The following TNS2 variants were observed in gnomAD, a reference collection of about 807,000 sequenced individuals.
TNS2 encodes tensin 2.
A neutral mutation model predicts 155.7 loss-of-function variants in TNS2; 77 were observed. The ratio of observed to expected loss-of-function variants is 0.49; its 90% confidence interval spans 0.41 to 0.60. The LOEUF (loss-of-function observed/expected upper bound fraction) is 0.60, where lower values mean the gene tolerates loss of function less well. TNS2 is among the 20% of genes least tolerant of loss of function. TNS2 has a pLI of 0.00. For missense variants in TNS2, 1,703 were observed against 1,868.8 expected (o/e 0.91, Z 1.64); for synonymous variants, 726 against 763.9 (o/e 0.95, Z 0.82).
At chr12:53,058,519 G>C (rs766089813) in intron 15 of TNS2, 53 bp from the exon 16 acceptor site, 35 of 1,613,132 alleles carry the variant, frequency 2.2e-5, no homozygotes, top group Non-Finnish European at 3.0e-5. Flanking sequence ...CAGGCAGGCA[G>C]GAGAGTGTGG....
At chr12:53,051,828 C>T (rs747952035) in intron 1 of TNS2, 27 bp from the exon 2 acceptor site, 2 of 1,588,366 alleles carry the variant, frequency 1.3e-6, no homozygotes, top group Non-Finnish European at 1.7e-6. Context: ...TGGGAACTCA[C>T]ACCTCTGTTT....
At position 53,054,445 on chromosome 12, in the gene TNS2, A is replaced by G. The variant is rs1944061094; in HGVS notation, c.522+4A>G. ...CAAGCACCGGGACAAGTACCTGGTG[A>G]GGGGCGGGGCCATCAGGAGTCCGCC... On this transcript the variant is annotated splice_donor_region_variant and intron_variant, in intron 7 of 28. Coordinates refer to ENST00000314250, the MANE Select transcript of TNS2 (RefSeq NM_170754.4). The G allele has an allele frequency of 6.3e-7, 1 of 1,595,790 alleles. No homozygotes were observed. The highest frequency in any genetic ancestry group is 2.2e-5 in the East Asian group (1 of 44,628).
chr12:53,060,008 C>G lies in TNS2; in HGVS notation c.2367C>G (p.Tyr789Ter). 1 of 1,613,524 alleles carries G rather than the reference C, an allele frequency of 6.2e-7. No homozygotes were observed. Among genetic ancestry groups the G allele is most frequent in the Non-Finnish European group, 8.5e-7 (1 of 1,179,968 alleles). ...GHPGYPALVTYSYGGAVPSYC... is the reference protein window; with the variant it reads ...GHPGYPALVT The stretch of plus-strand genomic sequence containing the variant: ...CAGGGTACCCTGCCCTGGTGACATA[C>G]AGCTATGGAGGAGCAGTTCCCAGTT... The change falls in exon 18 of 29, where the codon TAC becomes TAG. Residue 789 changes from tyrosine to a stop codon, truncating the protein, a stop_gained. Coordinates refer to ENST00000314250, the MANE Select transcript of TNS2 (RefSeq NM_170754.4). LOFTEE classifies it high-confidence loss of function. The surrounding 1 kb of genome is among the most constrained non-coding windows in gnomAD (Gnocchi z 6.1).
In TNS2 at chr12:53,059,744, A is replaced by T. The variant is rs1269015091; in HGVS notation, c.2103A>T (p.Thr701=). 1.2e-6 allele frequency: 2 copies of T among 1,612,994 alleles called. No individual in the cohort carries two copies. Among genetic ancestry groups the T allele is most frequent in the Non-Finnish European group, 1.7e-6 (2 of 1,179,836 alleles). The change falls in exon 18 of 29, where the codon ACA becomes ACT. Residue 701 remains threonine (T), a synonymous_variant. Transcript: ENST00000314250. This position sits in a 1 kb window ranked among gnomAD's most constrained non-coding sequence, Gnocchi z 4.7. The part of the protein sequence containing the change: ...PACEEKLALP[T]AALYGLRLER... ...GCGAGGAGAAGCTGGCGCTGCCTAC[A>T]GCAGCCTTGTATGGACTGCGGCTGG...
chr12:53,049,073 C>G (rs1943826654), upstream of TNS2: 1 of 1,157,472 alleles, frequency 8.6e-7, no homozygotes, highest in African/African-American at 1.6e-5. Context: ...TTTCAAGGCC[C>G]CATCCACCTC....
chr12:53,054,819 G>A (rs114812171), intron 7 of TNS2, among the ~76,000 whole-genome samples: 280 of 149,362 alleles, frequency 1.9e-3, no homozygotes, highest in African/African-American at 6.6e-3. Flanking sequence ...TTACAGGCGT[G>A]CGTCACTCAC....
chr12:53,052,093 G>T, intron 2 of TNS2, 130 bp downstream of exon 2: 1 of 784,564 alleles, frequency 1.3e-6, no homozygotes, highest in South Asian at 1.8e-5. Flanking sequence ...TGGCAGCTAA[G>T]AAGCAGCTGC....
chr12:53,049,283 G>A, upstream of TNS2: 1 of 1,577,202 alleles, frequency 6.3e-7, no homozygotes, highest in South Asian at 1.1e-5. Flanking sequence ...CGCGGGGGGA[G>A]GGTGCAGCCC....
At chr12:53,052,544 C>T (rs749393779) in intron 3 of TNS2, 52 bp downstream of exon 3, 3 of 1,610,654 alleles carry the variant, frequency 1.9e-6, no homozygotes, top group South Asian at 1.1e-5. Context: ...GTCCCTTCCT[C>T]CTCCCAAACA....
rs558319309 is a variant in TNS2 at position 53,054,527 on chromosome 12, A to G, written c.522+86A>G. 5.8e-5 allele frequency: 56 copies of G among 964,952 alleles called. No homozygotes were observed. In the African/African-American group the frequency reaches 1.0e-3, roughly 18 times the overall value. The allele number at this position is 964,952 out of a possible 1,614,324, so 59.8% of individuals were successfully genotyped here. On this transcript the variant is annotated intron_variant, in intron 7 of 28. Transcript: ENST00000314250. ...GGCTAATCACTGACGTCACCAGCGG[A>G]GGCGAGGCCGCCAGGGGGCGGGACC...
Position 53,058,105 on chromosome 12 carries a change from G to T in TNS2, c.1095+3G>T. The T allele has an allele frequency of 6.2e-7, 1 of 1,614,180 alleles. No homozygotes were observed. The highest frequency in any genetic ancestry group is 8.5e-7 in the Non-Finnish European group (1 of 1,180,020). On this transcript the variant is annotated splice_donor_region_variant and intron_variant, in intron 14 of 28. Transcript: ENST00000314250. ...TCCTCCTCAAAGGCGATGTCATGGT[G>T]AGGGGGGTCCTGTCAACAAGAAGAA... is the stretch of plus-strand genomic sequence containing the variant.
Position 53,051,905 on chromosome 12 carries a change from A to T in TNS2, c.126A>T (p.Lys42Asn), listed in dbSNP as rs751421693. Reference sequence around the variant, plus strand: ...TCCGGGAGAAGGTTTTCCGGAAGAAACCTCCAGTCTGTGCAGTATGTAAGG... The same window carrying T: ...TCCGGGAGAAGGTTTTCCGGAAGAATCCTCCAGTCTGTGCAGTATGTAAGG... ...HSFREKVFRK[K>N]PPVCAVCKVT... The change falls in exon 2 of 29, where the codon AAA becomes AAT. Residue 42 changes from lysine (K) to asparagine (N), a missense_variant. Transcript: ENST00000314250. The T allele has an allele frequency of 6.2e-7, 1 of 1,613,446 alleles. No homozygotes were observed. The highest frequency in any genetic ancestry group is 1.7e-5 in the Admixed American group (1 of 59,952).
At chr12:53,055,463 C>A in intron 8 of TNS2, 105 bp from the exon 9 acceptor site, 1 of 1,407,092 alleles carries the variant, frequency 7.1e-7, no homozygotes, top group Non-Finnish European at 9.6e-7. Flanking sequence ...ACCAGCAGAC[C>A]CCCAGCCTTG....
At position 53,063,131 on chromosome 12, in the gene TNS2, T is replaced by C. The variant is rs1481827978; in HGVS notation, c.3866T>C (p.Leu1289Pro). 4 of 1,594,268 alleles carry C rather than the reference T, an allele frequency of 2.5e-6. No homozygotes were observed. The East Asian group carries it at 8.9e-5, about 36-fold the overall frequency. The change falls in exon 26 of 29, where the codon CTG (leucine) becomes CCG (proline). Residue 1289 changes from leucine (L) to proline (P), a missense_variant. Leu to Pro is a moderately conservative substitution (Grantham distance 98). Coordinates refer to ENST00000314250, the MANE Select transcript of TNS2 (RefSeq NM_170754.4). The surrounding 1 kb of genome is among the most constrained non-coding windows in gnomAD (Gnocchi z 5.6). ...LYLTSVETES[L>P]TGPQAVARAS... ...TTGACCTCAGTGGAGACAGAGTCAC[T>C]GACGGGCCCCCAAGCTGTGGCCCGG...
chr12:53,060,497 G>A lies in TNS2; in HGVS notation c.2710G>A (p.Glu904Lys). Residue 904 changes from glutamate (E) to lysine (K), a missense_variant, in exon 19 of 29, where the codon GAG becomes AAG. Transcript: ENST00000314250. This position sits in a 1 kb window ranked among gnomAD's most constrained non-coding sequence, Gnocchi z 6.1. ...PRDAPCSASS[E>K]LSGPSTPLHT... ...AGATGCCCCATGCAGTGCTTCGTCA[G>A]AGTTGTCTGGTCCCTCCACGCCCCT... is the stretch of plus-strand genomic sequence containing the variant. 1 of 1,613,878 alleles carries A rather than the reference G, an allele frequency of 6.2e-7. No homozygotes were observed. The highest frequency in any genetic ancestry group is 8.5e-7 in the Non-Finnish European group (1 of 1,179,990).
At chr12:53,052,273 A>AC (rs1351949801) in intron 2 of TNS2, 182 bp from the exon 3 acceptor site, 1 of 741,936 alleles carries the variant, frequency 1.3e-6, no homozygotes, top group East Asian at 2.5e-5. Flanking sequence ...GGGCAGTAGT[A>AC]CCCCACTGCC....
At position 53,060,105 on chromosome 12, in the gene TNS2, G is replaced by C. The variant is rs753289141; in HGVS notation, c.2464G>C (p.Gly822Arg). Residue 822 changes from glycine to arginine, a missense_variant, in exon 18 of 29, where the codon GGT (glycine) becomes CGT (arginine). Transcript: ENST00000314250. This position sits in a 1 kb window ranked among gnomAD's most constrained non-coding sequence, Gnocchi z 6.1. ...AGAGGGCAGAGGGTATCCCAGCCCT[G>C]GTGCCCACTCCCCACGGGCTGGCTC... ...PGEGRGYPSP[G>R]AHSPRAGSIS... 1 of 1,610,924 alleles carries C rather than the reference G, an allele frequency of 6.2e-7. No individual in the cohort carries two copies. Among genetic ancestry groups the C allele is most frequent in the Non-Finnish European group, 8.5e-7 (1 of 1,178,534 alleles).
Position 53,059,666 on chromosome 12 carries a change from G to A in TNS2, c.2025G>A (p.Glu675=), listed in dbSNP as rs750365857. Reference sequence around the variant, plus strand: ...GCTACCGCGCCCCAGGCTACCGGGAGGTGGTCATCCTGGAGGACCCTGGGC... The same window carrying A: ...GCTACCGCGCCCCAGGCTACCGGGAAGTGGTCATCCTGGAGGACCCTGGGC... ...DFGYRAPGYR[E]VVILEDPGLP... is the part of the protein sequence containing the mutation. The change falls in exon 18 of 29, where the codon GAG becomes GAA. Residue 675 remains glutamate (E), a synonymous_variant. Transcript: ENST00000314250. This position sits in a 1 kb window ranked among gnomAD's most constrained non-coding sequence, Gnocchi z 4.7. The A allele has an allele frequency of 1.9e-6, 3 of 1,613,210 alleles. No individual in the cohort carries two copies. Among genetic ancestry groups the A allele is most frequent in the Non-Finnish European group, 2.5e-6 (3 of 1,179,926 alleles).
chr12:53,061,695 G>A (rs1355053593), intron 21 of TNS2, 120 bp from the exon 22 acceptor site: 40 of 1,506,022 alleles, frequency 2.7e-5, no homozygotes, highest in South Asian at 2.6e-5. Context: ...GACTCTTACC[G>A]CCACCACAGC....
Sources: gnomAD v4.1 joint callset for allele counts (sites outside exome capture counted in the v4.1 genomes callset) on GRCh38, gnomAD v4.1.1 for gene constraint, Gnocchi (gnomAD v3.1) non-coding constraint, MANE v1.5 for transcripts, NCBI Gene and HGNC (gene_info 2026-07-23, HGNC 2026-07-21) for gene names.